The following EPHA10 variants were observed in gnomAD, a reference collection of about 807,000 sequenced individuals.
EPHA10 encodes EPH receptor A10, also known as ephrin type-A receptor 10.
EPHA10 carries 120 observed loss-of-function variants against 109.7 expected under a neutral mutation model. The ratio of observed to expected loss-of-function variants is 1.09; its 90% CI spans 0.94 to 1.27. The LOEUF is 1.27. EPHA10 is among the 50% of genes most tolerant of loss of function. The pLI is 0.00. For synonymous variants in EPHA10, 640 were observed against 618.9 expected, an observed-to-expected ratio of 1.03 and a Z score of -0.51; for missense variants, 1,396 against 1,411.1, an observed-to-expected ratio of 0.99 and a Z score of 0.17.
intron 11 of EPHA10, among the ~76,000 whole-genome samples, chr1:37,721,445 A>C (rs1195903646): frequency 6.6e-6 from 1 of 151,668 alleles, no homozygotes; most frequent in Non-Finnish European, 1.5e-5. Context: ...AAAAAAAAGA[A>C]AGAAAGAAAG....
Position 37,737,932 on chromosome 1 carries a change from C to CTTTTTTTT in EPHA10, c.1358-2550_1358-2543dup, listed in dbSNP as rs59082119. The CTTTTTTTT allele has an allele frequency of 4.6e-4, 28 of 61,478 alleles. 4 individuals carry two copies. The highest frequency in any genetic ancestry group is 6.5e-4 in the East Asian group (1 of 1,550). 3.8% of individuals were successfully genotyped at this position (61,478 alleles called of 1,614,324 possible). ...ACAACAAAGACCAAATAACTGTAGGCTTTTTTTTTTTTTTTTTTTTTTTTT... is the reference window on the plus strand; with the variant it reads ...ACAACAAAGACCAAATAACTGTAGGCTTTTTTTTTTTTTTTTTTTTTTTTTTTTTTTTT... On this transcript the variant is annotated intron_variant, in intron 5 of 16. Coordinates refer to ENST00000373048, the MANE Select transcript of EPHA10 (RefSeq NM_001099439.2).
intron 3 of EPHA10, chr1:37,760,774 G>A (rs981615594): frequency 6.8e-5 from 13 of 191,858 alleles, no homozygotes; most frequent in Non-Finnish European, 1.4e-4. Flanking sequence ...CTTCATCTGT[G>A]AAATAGAGAT....
intron 6 of EPHA10, 116 bp downstream of exon 6, chr1:37,735,141 G>C: frequency 2.2e-6 from 3 of 1,369,660 alleles, no homozygotes; most frequent in Non-Finnish European, 3.0e-6. Context: ...GAGACGGGTG[G>C]TTATGTTTAC....
At position 37,720,324 on chromosome 1, in the gene EPHA10, G is replaced by C. The variant is rs964490953; in HGVS notation, c.2412+27C>G. The C allele has an allele frequency of 2.5e-6, 4 of 1,575,754 alleles. No homozygotes were observed. The African/African-American group carries it at 4.0e-5, about 16-fold the overall frequency. ...AGCTTGGTGGGAACCAGAAGGCACAGGCAGGCTTGGCTGGGGGCGCCCTCA... is the reference window on the plus strand; with the variant it reads ...AGCTTGGTGGGAACCAGAAGGCACACGCAGGCTTGGCTGGGGGCGCCCTCA... On this transcript the variant is annotated intron_variant, in intron 13 of 16. Transcript: ENST00000373048.
chr1:37,759,450 C>A (rs934227707), intron 3 of EPHA10, among the ~76,000 whole-genome samples: 1 of 152,202 alleles, frequency 6.6e-6, no homozygotes, highest in African/African-American at 2.4e-5. Flanking sequence ...CTCTGGGAAG[C>A]CTTCTCCATG....
At chr1:37,719,668 G>GCA (rs1345457724) in intron 14 of EPHA10, 61 bp from the exon 15 acceptor site, 2 of 1,580,194 alleles carry the variant, frequency 1.3e-6, no homozygotes, top group African/African-American at 1.3e-5. Flanking sequence ...TATGGTGTGT[G>GCA]CACACACACA....
chr1:37,747,179 C>G (rs1398486752), intron 5 of EPHA10, among the ~76,000 whole-genome samples: 2 of 152,104 alleles, frequency 1.3e-5, no homozygotes, highest in Non-Finnish European at 2.9e-5. Context: ...TTGGAAGTGA[C>G]AAAGCTATAT....
At chr1:37,762,212 G>T in intron 2 of EPHA10, 129 bp from the exon 3 acceptor site, 1 of 866,798 alleles carries the variant, frequency 1.2e-6, no homozygotes, top group Non-Finnish European at 1.7e-6. Context: ...ATGCAGCGCT[G>T]GGAGAAACTT....
chr1:37,733,298 T>C (rs1224397373), intron 6 of EPHA10, among the ~76,000 whole-genome samples: 1 of 151,964 alleles, frequency 6.6e-6, no homozygotes, highest in African/African-American at 2.4e-5. Context: ...CACTGCTCAC[T>C]GCAGCCTCGA....
chr1:37,722,093 T>C (rs939176989), intron 10 of EPHA10: 5 of 417,688 alleles, frequency 1.2e-5, no homozygotes, highest in Admixed American at 8.7e-5. Context: ...ATTGTGCCAC[T>C]GCACTTCAGA....
chr1:37,734,529 T>G (rs1646038031), intron 6 of EPHA10: 1 of 415,666 alleles, frequency 2.4e-6, no homozygotes. Flanking sequence ...AATGAAACTC[T>G]GTCTCAAAAT....
At chr1:37,724,106 A>G (rs1477445931) in intron 8 of EPHA10, among the ~76,000 whole-genome samples, 3 of 152,264 alleles carry the variant, frequency 2.0e-5, no homozygotes, top group African/African-American at 7.2e-5. Flanking sequence ...CACGGGTGTC[A>G]CCACAGGAGA....
chr1:37,743,673 T>A (rs78804661), intron 5 of EPHA10, among the ~76,000 whole-genome samples: 1 of 151,924 alleles, frequency 6.6e-6, no homozygotes, highest in Admixed American at 6.6e-5. Flanking sequence ...ATAAATTACA[T>A]GATACTCAGT....
chr1:37,748,833 G>A (rs1174892159), intron 5 of EPHA10, among the ~76,000 whole-genome samples: 2 of 151,766 alleles, frequency 1.3e-5, no homozygotes, highest in Non-Finnish European at 2.9e-5. Context: ...GCATTATATG[G>A]CCTAGGGATT....
chr1:37,719,574 G>C lies in EPHA10; in HGVS notation c.2596C>G (p.Pro866Ala). Residue 866 changes from proline (P) to alanine (A), a missense_variant, in exon 15 of 17, where the codon CCA (proline) becomes GCA (alanine). Pro to Ala is a conservative substitution (Grantham distance 27). Transcript: ENST00000373048. Reference sequence around the variant, plus strand: ...AGGTTAGGACAGTTCCTGGGGGGTGGCAGCCGGAAGCCATCCTCCACAGCC... The same window carrying C: ...AGGTTAGGACAGTTCCTGGGGGGTGCCAGCCGGAAGCCATCCTCCACAGCC... ...IKAVEDGFRL[P>A]PPRNCPNLLH... 6.2e-7 allele frequency: 1 copy of C among 1,613,718 alleles called. No homozygotes were observed. The highest frequency in any genetic ancestry group is 8.5e-7 in the Non-Finnish European group (1 of 1,180,014).
At chr1:37,761,253 C>CA in intron 3 of EPHA10, 152 bp downstream of exon 3, 1 of 1,504,828 alleles carries the variant, frequency 6.6e-7, no homozygotes, top group Non-Finnish European at 8.8e-7. Flanking sequence ...GGAAACTCCA[C>CA]AAGACTTCAG....
At position 37,716,055 on chromosome 1, in the gene EPHA10, GC is replaced by G. The variant is rs1370427312; in HGVS notation, c.*2316del. 9.2e-6 allele frequency: 5 copies of G among 541,852 alleles called. No homozygotes were observed. The highest frequency in any genetic ancestry group is 7.4e-5 in the African/African-American group (4 of 53,836). The allele number at this position is 541,852 out of a possible 1,614,324, so 33.6% of individuals were successfully genotyped here. A position where few individuals can be genotyped will look rare whatever the true frequency, so the allele number is the denominator to read the frequency against. On this transcript the variant is annotated 3_prime_UTR_variant, in exon 17 of 17. Coordinates refer to ENST00000373048, the MANE Select transcript of EPHA10 (RefSeq NM_001099439.2). Reference sequence around the variant, plus strand: ...CTCCAGAAGGAACCCCCTCCGACTGGCCCCCTCCCTCCCAGGGTGAGCTCAG... The same window carrying G: ...CTCCAGAAGGAACCCCCTCCGACTGGCCCCTCCCTCCCAGGGTGAGCTCAG...
At chr1:37,759,905 C>T (rs187130453) in intron 3 of EPHA10, among the ~76,000 whole-genome samples, 11 of 152,272 alleles carry the variant, frequency 7.2e-5, no homozygotes, top group Admixed American at 4.6e-4. Context: ...TGGAGAGCAC[C>T]GAGGTGGATC....
In EPHA10 at chr1:37,737,343, G is replaced by A. The variant is rs571064018; in HGVS notation, c.1358-1953C>T. On this transcript the variant is annotated intron_variant, in intron 5 of 16. Transcript: ENST00000373048. ...CACACACTCACACACAAAAGGTAGA[G>A]TCCTCACACTTCCTTACTTCAAAAC... Among the ~76,000 whole-genome samples the A allele has an allele frequency of 2.0e-5, 3 of 152,192 alleles. No homozygotes were observed. In the East Asian group the frequency reaches 5.8e-4, roughly 29 times the overall value.
Sources: allele counts gnomAD v4.1 joint callset (sites outside exome capture counted in the v4.1 genomes callset), GRCh38; gene constraint gnomAD v4.1.1; transcripts MANE v1.5; gene names NCBI Gene and HGNC (gene_info 2026-07-23, HGNC 2026-07-21).